The following OR10J1 variants were observed in gnomAD, a reference collection of about 807,000 sequenced individuals.
OR10J1 encodes the protein olfactory receptor family 10 subfamily J member 1, also known as olfactory receptor 10J1.
For missense variants in OR10J1, 474 were observed against 376.6 expected (o/e 1.26, Z -2.14); for synonymous variants, 202 against 143.8 (o/e 1.40, Z -2.89).
At chr1:159,399,107 A>G in the OR10J1 span, among the ~76,000 whole-genome samples, 1 of 152,162 alleles carries the variant, frequency 6.6e-6, no homozygotes, top group South Asian at 2.1e-4. Flanking sequence ...CAGTGGAAAC[A>G]TTACAGGCCA....
chr1:159,401,787 A>G, the OR10J1 span, among the ~76,000 whole-genome samples: 1 of 152,046 alleles, frequency 6.6e-6, no homozygotes, highest in Non-Finnish European at 1.5e-5. Context: ...ACAAAGACAC[A>G]TCAAAAAAAG....
upstream of OR10J1, among the ~76,000 whole-genome samples, chr1:159,433,780 C>A (rs766396576): frequency 1.3e-5 from 2 of 152,114 alleles, no homozygotes; most frequent in African/African-American, 2.4e-5. Flanking sequence ...AAGGTGGTAC[C>A]TATGTCTATG....
chr1:159,420,027 A>G, the OR10J1 span, among the ~76,000 whole-genome samples: 193 of 152,122 alleles, frequency 1.3e-3, no homozygotes, highest in Non-Finnish European at 1.7e-3. Context: ...ATATGTTTAT[A>G]ATTTTTATAT....
upstream of OR10J1, among the ~76,000 whole-genome samples, chr1:159,434,903 A>G (rs1571154806): frequency 1.3e-5 from 2 of 152,176 alleles, no homozygotes; most frequent in African/African-American, 4.8e-5. Context: ...ATGGACACAG[A>G]GCCCTAGCTT....
At chr1:159,400,636 C>G in the OR10J1 span, among the ~76,000 whole-genome samples, 1 of 150,802 alleles carries the variant, frequency 6.6e-6, no homozygotes. Flanking sequence ...ACTATTAGAG[C>G]TAAAGAAAAA....
the OR10J1 span, among the ~76,000 whole-genome samples, chr1:159,401,464 T>C: frequency 5.3e-5 from 8 of 152,010 alleles, no homozygotes; most frequent in Non-Finnish European, 8.8e-5. Context: ...TAGTGGCTAC[T>C]ATGAGCAAGT....
chr1:159,425,839 T>C, the OR10J1 span, among the ~76,000 whole-genome samples: 1 of 152,078 alleles, frequency 6.6e-6, no homozygotes, highest in South Asian at 2.1e-4. Flanking sequence ...TGTGCATATT[T>C]TATACAATAT....
At position 159,440,149 on chromosome 1, in the gene OR10J1, T is replaced by C; in HGVS notation, c.358T>C (p.Tyr120His). ...TNCFLLTAMGYDRYVAICNPL... is the reference protein window; with the variant it reads ...TNCFLLTAMGHDRYVAICNPL... ...CTGCTTCCTGCTCACAGCAATGGGA[T>C]ATGACCGCTATGTGGCCATCTGCAA... Residue 120 changes from tyrosine (Y) to histidine (H), a missense_variant, in exon 1 of 1, where the codon TAT becomes CAT. Transcript: ENST00000423932. The C allele has an allele frequency of 6.2e-7, 1 of 1,614,170 alleles. No individual in the cohort carries two copies. The highest frequency in any genetic ancestry group is 8.5e-7 in the Non-Finnish European group (1 of 1,180,020).
chr1:159,437,164 G>A (rs115583654), upstream of OR10J1, among the ~76,000 whole-genome samples: 884 of 152,276 alleles, frequency 5.8e-3, 11 homozygotes, highest in African/African-American at 0.02. Context: ...ACCAAATAAA[G>A]GGAAGAAAAA....
the OR10J1 span, among the ~76,000 whole-genome samples, chr1:159,419,730 T>C: frequency 1.9e-3 from 297 of 152,336 alleles, 3 homozygotes; most frequent in East Asian, 0.02. Flanking sequence ...TGTTGAGACT[T>C]GTTTTGTGTC....
the OR10J1 span, among the ~76,000 whole-genome samples, chr1:159,406,842 C>A: frequency 2.6e-5 from 4 of 152,238 alleles, no homozygotes; most frequent in African/African-American, 9.6e-5. Context: ...CCAGCAAAGA[C>A]TGCCCTGGGA....
the OR10J1 span, among the ~76,000 whole-genome samples, chr1:159,399,086 A>C: frequency 1.0e-3 from 153 of 152,284 alleles, no homozygotes; most frequent in Non-Finnish European, 1.5e-3. Context: ...TACATCTGGC[A>C]GTGGACTTCT....
the OR10J1 span, among the ~76,000 whole-genome samples, chr1:159,421,099 T>C: frequency 1.3e-5 from 2 of 152,148 alleles, no homozygotes; most frequent in African/African-American, 2.4e-5. Context: ...TTTTTTATTC[T>C]TTTAAAAAAT....
At chr1:159,439,087 A>G (rs1459428597), upstream of OR10J1, among the ~76,000 whole-genome samples, 1 of 152,226 alleles carries the variant, frequency 6.6e-6, no homozygotes, top group Non-Finnish European at 1.5e-5. Flanking sequence ...CTGTCAGCAG[A>G]CTTCCATCAC....
At chr1:159,401,526 A>C in the OR10J1 span, among the ~76,000 whole-genome samples, 2 of 152,048 alleles carry the variant, frequency 1.3e-5, no homozygotes, top group Non-Finnish European at 2.9e-5. Context: ...ACTTAGGTAG[A>C]TACAACCTAC....
chr1:159,403,791 T>A, the OR10J1 span, among the ~76,000 whole-genome samples: 1 of 152,124 alleles, frequency 6.6e-6, no homozygotes, highest in Non-Finnish European at 1.5e-5. Context: ...AGGAAATCAG[T>A]ATACTGAAGA....
chr1:159,433,871 T>C (rs1655660514), upstream of OR10J1, among the ~76,000 whole-genome samples: 1 of 152,116 alleles, frequency 6.6e-6, no homozygotes, highest in South Asian at 2.1e-4. Context: ...TAGTAGATGT[T>C]AGATATTTAT....
At chr1:159,407,804 G>A in the OR10J1 span, among the ~76,000 whole-genome samples, 2 of 152,008 alleles carry the variant, frequency 1.3e-5, no homozygotes, top group African/African-American at 4.8e-5. Context: ...TATGTGTCAA[G>A]GTCTATGAAT....
At chr1:159,423,795 T>C in the OR10J1 span, among the ~76,000 whole-genome samples, 13 of 152,202 alleles carry the variant, frequency 8.5e-5, no homozygotes, top group African/African-American at 2.4e-4. Context: ...AATAAACTTA[T>C]AGATACTGAC....
Sources: gnomAD v4.1 joint callset for allele counts (sites outside exome capture counted in the v4.1 genomes callset) on GRCh38, gnomAD v4.1.1 for gene constraint, MANE v1.5 for transcripts, NCBI Gene and HGNC (gene_info 2026-07-23, HGNC 2026-07-21) for gene names.